Variants in CCL28 observed in about 807,000 individuals in gnomAD.
CCL28 encodes C-C motif chemokine 28.
In CCL28, 4 loss-of-function variants were observed where a neutral mutation model predicts 7.1. The observed-to-expected ratio is 0.56, with a 90% confidence interval of 0.28 to 1.29. CCL28 has a LOEUF of 1.29. CCL28 is among the 50% of genes most tolerant of loss of function. The pLI is 0.11. For missense variants in CCL28, 151 were observed against 163.4 expected, an observed-to-expected ratio of 0.92 and a Z score of 0.41; for synonymous variants, 55 against 57.8, an observed-to-expected ratio of 0.95 and a Z score of 0.22.
At chr5:43,358,735 T>A in the CCL28 span, among the ~76,000 whole-genome samples, 1 of 152,212 alleles carries the variant, frequency 6.6e-6, no homozygotes, top group Non-Finnish European at 1.5e-5. Context: ...TAAGCAAATT[T>A]AAAAAATATA....
At chr5:43,372,192 T>C (rs1038513488), downstream of CCL28, among the ~76,000 whole-genome samples, 1 of 152,090 alleles carries the variant, frequency 6.6e-6, no homozygotes, top group African/African-American at 2.4e-5. Context: ...TCAATATGAG[T>C]TTTGGGGGGC....
intron 1 of CCL28, among the ~76,000 whole-genome samples, chr5:43,400,970 C>T (rs1426789928): frequency 6.6e-6 from 1 of 151,760 alleles, no homozygotes; most frequent in African/African-American, 2.4e-5. Context: ...GTAATCCCAG[C>T]TACTCAGGAG....
intron 1 of CCL28, among the ~76,000 whole-genome samples, chr5:43,389,443 TCACTATACGTGAATCACTA>T (rs1740477325): frequency 6.6e-6 from 1 of 152,180 alleles, no homozygotes; most frequent in Admixed American, 6.5e-5. Context: ...TCCACCCATC[TCACTATACGTGAATCACTA>T]CGCTAGACCC....
intron 1 of CCL28, among the ~76,000 whole-genome samples, chr5:43,407,001 G>C (rs6878207): frequency 0.076 from 11,572 of 152,130 alleles, 812 homozygotes; most frequent in African/African-American, 0.18. Flanking sequence ...AGGATACAAA[G>C]AAATGGAAGA....
chr5:43,372,073 G>T (rs1739794772), downstream of CCL28, among the ~76,000 whole-genome samples: 1 of 152,080 alleles, frequency 6.6e-6, no homozygotes, highest in Non-Finnish European at 1.5e-5. Flanking sequence ...TAACAGCATG[G>T]GAACTTATTC....
chr5:43,371,142 T>C, the CCL28 span, among the ~76,000 whole-genome samples: 2 of 152,246 alleles, frequency 1.3e-5, no homozygotes, highest in Non-Finnish European at 2.9e-5. Context: ...GCCTGATTAA[T>C]TTAGTTGTAT....
chr5:43,397,704 A>G (rs912237554), intron 1 of CCL28, among the ~76,000 whole-genome samples: 3 of 152,224 alleles, frequency 2.0e-5, no homozygotes, highest in Admixed American at 1.3e-4. Flanking sequence ...CTTGCCTCAC[A>G]GGAGTCTGGG....
At chr5:43,388,566 T>C in intron 1 of CCL28, 90 bp from the exon 2 acceptor site, 1 of 1,321,320 alleles carries the variant, frequency 7.6e-7, no homozygotes, top group Non-Finnish European at 1.0e-6. Flanking sequence ...AGAAACAATG[T>C]TAATCCACAC....
chr5:43,363,187 A>C, the CCL28 span, among the ~76,000 whole-genome samples: 1 of 152,204 alleles, frequency 6.6e-6, no homozygotes, highest in Non-Finnish European at 1.5e-5. Context: ...TGAGTCTACC[A>C]GCATGGTTGC....
chr5:43,411,730 CTCTGCCCTCCCTT>C (rs1409910817), intron 1 of CCL28, among the ~76,000 whole-genome samples: 1 of 152,222 alleles, frequency 6.6e-6, no homozygotes, highest in South Asian at 2.1e-4. Context: ...CTGTGCTCAG[CTCTGCCCTCCCTT>C]TTTAAAGGTC....
chr5:43,398,632 C>T (rs1474353139), intron 1 of CCL28, among the ~76,000 whole-genome samples: 4 of 152,108 alleles, frequency 2.6e-5, no homozygotes, highest in South Asian at 4.1e-4. Context: ...AGGAGGATCA[C>T]GAGGTCAGAA....
intron 1 of CCL28, among the ~76,000 whole-genome samples, chr5:43,401,987 G>T (rs1187910552): frequency 6.6e-6 from 1 of 152,194 alleles, no homozygotes; most frequent in Non-Finnish European, 1.5e-5. Context: ...TAGCTTCAGT[G>T]CATGGCAACT....
In CCL28 at chr5:43,400,940, G is replaced by A. The variant is rs112847443; in HGVS notation, c.64+11313C>T. Among the ~76,000 whole-genome samples the A allele has an allele frequency of 5.1e-3, 772 of 151,978 alleles. 5 individuals carry two copies. The highest frequency in any genetic ancestry group is 7.7e-3 in the Non-Finnish European group (524 of 67,952). On this transcript the variant is annotated intron_variant, in intron 1 of 2. Coordinates refer to ENST00000361115, the MANE Select transcript of CCL28 (RefSeq NM_148672.3). ...CTACTAAAAATACAAAAAATTAACCGGGCGTGGTGGCAGGTGCTTGTAATC... is the reference window on the plus strand; with the variant it reads ...CTACTAAAAATACAAAAAATTAACCAGGCGTGGTGGCAGGTGCTTGTAATC...
chr5:43,362,545 T>TAA, the CCL28 span, among the ~76,000 whole-genome samples: 1 of 152,206 alleles, frequency 6.6e-6, no homozygotes, highest in Admixed American at 6.5e-5. Context: ...TACTAAGTTG[T>TAA]GTGTGTGTTT....
chr5:43,380,494 G>A lies in CCL28; in HGVS notation c.*1366C>T, dbSNP rs1032674324. 4 of 152,124 alleles carry A rather than the reference G, an allele frequency of 2.6e-5. No individual in the cohort carries two copies. Among genetic ancestry groups the A allele is most frequent in the Non-Finnish European group, 4.4e-5 (3 of 68,024 alleles). 9.4% of individuals were successfully genotyped at this position (152,124 alleles called of 1,614,324 possible). ...ATTCTTAACCAAAAACATTAAACCT[G>A]AATTTGATCACAAGAAAATAATTAG... On this transcript the variant is annotated 3_prime_UTR_variant, in exon 3 of 3. Transcript: ENST00000361115.
chr5:43,386,227 C>T (rs1350877616), intron 2 of CCL28, among the ~76,000 whole-genome samples: 1 of 152,196 alleles, frequency 6.6e-6, no homozygotes, highest in Non-Finnish European at 1.5e-5. Context: ...ATTGTCTATC[C>T]ACGCATTGTC....
chr5:43,389,388 A>G (rs953520823), intron 1 of CCL28, among the ~76,000 whole-genome samples: 1 of 151,298 alleles, frequency 6.6e-6, no homozygotes, highest in African/African-American at 2.5e-5. Context: ...CAAACTCTTA[A>G]TATCCTGAAC....
the CCL28 span, among the ~76,000 whole-genome samples, chr5:43,357,550 A>G: frequency 6.6e-6 from 1 of 152,236 alleles, no homozygotes; most frequent in African/African-American, 2.4e-5. Flanking sequence ...TGGGAAAACA[A>G]CAAAAGCAAA....
chr5:43,386,391 G>T (rs183512424), intron 2 of CCL28, among the ~76,000 whole-genome samples: 1 of 152,274 alleles, frequency 6.6e-6, no homozygotes, highest in Admixed American at 6.5e-5. Flanking sequence ...TGTAGCCCCT[G>T]GAGTGCCACA....
Sources: allele counts gnomAD v4.1 joint callset (sites outside exome capture counted in the v4.1 genomes callset), GRCh38; gene constraint gnomAD v4.1.1; transcripts MANE v1.5; gene names NCBI Gene and HGNC (gene_info 2026-07-23, HGNC 2026-07-21).